The following EDEM1 variants were observed in gnomAD, a reference collection of about 807,000 sequenced individuals.
EDEM1 encodes ER degradation-enhancing alpha-mannosidase-like protein 1.
Under a neutral mutation model 74.4 loss-of-function variants are expected in EDEM1, and 67 were observed. The observed-to-expected ratio is 0.90, with a 90% CI of 0.74 to 1.10. The LOEUF is 1.10. Among genes scored for constraint, EDEM1 ranks in the 50% least tolerant of loss-of-function variants. The probability of loss-of-function intolerance (pLI) is 0.00; values close to 1 mark genes in which losing one functional copy is unlikely to be tolerated. For missense variants in EDEM1, 926 were observed against 851.6 expected, an observed-to-expected ratio of 1.09 and a Z score of -1.09; for synonymous variants, 382 against 335.9, an observed-to-expected ratio of 1.14 and a Z score of -1.50.
chr3:5,188,027 G>T lies in EDEM1; in HGVS notation c.222G>T (p.Pro74=), dbSNP rs753743181. 1.2e-5 allele frequency: 17 copies of T among 1,454,720 alleles called. No individual in the cohort carries two copies. The highest frequency in any genetic ancestry group is 3.0e-5 in the African/African-American group (2 of 67,122). 90.1% of individuals were successfully genotyped at this position (1,454,720 alleles called of 1,614,324 possible). A position where few individuals can be genotyped will look rare whatever the true frequency, so the allele number is the denominator to read the frequency against. Reference sequence around the variant, plus strand: ...TATCCGGGCCGTCGTGGCTGCAGCCGCCGGGGACCGGGGCAGCGCAGAGCC... The same window carrying T: ...TATCCGGGCCGTCGTGGCTGCAGCCTCCGGGGACCGGGGCAGCGCAGAGCC... ...GGVSGPSWLQ[P]PGTGAAQSPR... The change falls in exon 1 of 12, where the codon CCG becomes CCT. Residue 74 remains proline, a synonymous_variant. Transcript: ENST00000256497.
chr3:5,189,764 C>G lies in EDEM1; in HGVS notation c.509+1450C>G, dbSNP rs1046410309. The stretch of plus-strand genomic sequence containing the variant: ...TACAGACTCGTGCCACCACGCCCGG[C>G]TAATTTTTTGTATTTTTAGTAGAGA... On this transcript the variant is annotated intron_variant, in intron 1 of 11. Transcript: ENST00000256497. Among the ~76,000 whole-genome samples, 10 of 152,186 alleles carry G rather than the reference C, an allele frequency of 6.6e-5. No individual in the cohort carries two copies. In the East Asian group the frequency reaches 1.7e-3, roughly 26 times the overall value.
Position 5,213,596 on chromosome 3 carries a change from C to G in EDEM1, c.1884+74C>G, listed in dbSNP as rs1421008359. Reference sequence around the variant, plus strand: ...ACTATGAATTGCTTAGTTGTTCAGACTTCCTGACAGAAAATTGATGGTGTA... The same window carrying G: ...ACTATGAATTGCTTAGTTGTTCAGAGTTCCTGACAGAAAATTGATGGTGTA... On this transcript the variant is annotated intron_variant, in intron 11 of 11. Transcript: ENST00000256497. 5 of 1,408,700 alleles carry G rather than the reference C, an allele frequency of 3.5e-6. No individual in the cohort carries two copies. In the African/African-American group the frequency reaches 7.2e-5, roughly 20 times the overall value. The allele number at this position is 1,408,700 out of a possible 1,614,324, so 87.3% of individuals were successfully genotyped here.
Position 5,215,841 on chromosome 3 carries a change from C to A in EDEM1, c.1897C>A (p.Pro633Thr), listed in dbSNP as rs2055228070. The A allele has an allele frequency of 6.2e-7, 1 of 1,612,766 alleles. No individual in the cohort carries two copies. Among genetic ancestry groups the A allele is most frequent in the East Asian group, 2.2e-5 (1 of 44,796 alleles). The part of the protein sequence containing the change: ...INSSSNCNRV[P>T]DERRYSLPLK... ...TTTGTCTTTCTAGTGCAATCGTGTA[C>A]CTGATGAGAGGAGGTACTCCCTGCC... Residue 633 changes from proline (P) to threonine (T), a missense_variant, in exon 12 of 12, where the codon CCT (proline) becomes ACT (threonine). By Grantham distance (38) the Pro-to-Thr change is conservative (BLOSUM62 -1). Transcript: ENST00000256497.
chr3:5,193,319 T>C (rs912679387), intron 1 of EDEM1, among the ~76,000 whole-genome samples: 1 of 152,200 alleles, frequency 6.6e-6, no homozygotes, highest in Non-Finnish European at 1.5e-5. Context: ...CGTAAGGATC[T>C]CCCTGTCTCC....
chr3:5,217,790 G>A lies in EDEM1; in HGVS notation c.*1872G>A, dbSNP rs2055259070. 6.6e-6 allele frequency: 1 copy of A among 152,130 alleles called. No homozygotes were observed. The highest frequency in any genetic ancestry group is 1.9e-4 in the East Asian group (1 of 5,202). 9.4% of individuals were successfully genotyped at this position (152,130 alleles called of 1,614,324 possible). ...ATGTTTTCACTGACTCATTGAAAATGTTAATTACACACACATGCATGCATG... is the reference window on the plus strand; with the variant it reads ...ATGTTTTCACTGACTCATTGAAAATATTAATTACACACACATGCATGCATG... On this transcript the variant is annotated 3_prime_UTR_variant, in exon 12 of 12. Transcript: ENST00000256497.
At chr3:5,188,987 C>T (rs1410363526) in intron 1 of EDEM1, among the ~76,000 whole-genome samples, 1 of 152,136 alleles carries the variant, frequency 6.6e-6, no homozygotes, top group African/African-American at 2.4e-5. Flanking sequence ...TCAACGTCAT[C>T]GCCCTGTACG....
chr3:5,216,060 T>C lies in EDEM1; in HGVS notation c.*142T>C, dbSNP rs1292169247. Reference sequence around the variant, plus strand: ...AATTTCTGTGCAACACCTCACCACGTCTGGTTAATCCTTGCACACTTCAGT... The same window carrying C: ...AATTTCTGTGCAACACCTCACCACGCCTGGTTAATCCTTGCACACTTCAGT... On this transcript the variant is annotated 3_prime_UTR_variant, in exon 12 of 12. Coordinates refer to ENST00000256497, the MANE Select transcript of EDEM1 (RefSeq NM_014674.3). 2.2e-5 allele frequency: 14 copies of C among 636,508 alleles called. No individual in the cohort carries two copies. The East Asian group carries it at 3.9e-4, about 18-fold the overall frequency. The allele number at this position is 636,508 out of a possible 1,614,324, so 39.4% of individuals were successfully genotyped here. A position where few individuals can be genotyped will look rare whatever the true frequency, so the allele number is the denominator to read the frequency against.
intron 1 of EDEM1, among the ~76,000 whole-genome samples, chr3:5,193,022 G>A (rs2054919714): frequency 2.0e-5 from 3 of 151,848 alleles, no homozygotes; most frequent in Admixed American, 1.3e-4. Flanking sequence ...AGATTACAAG[G>A]CAAAGCACAA....
rs549232984 is a variant in EDEM1, at chr3:5,205,703, T to C, written c.1217+462T>C. 1.4e-3 allele frequency among the ~76,000 whole-genome samples: 207 copies of C among 152,350 alleles called. 1 individual carries two copies. Among genetic ancestry groups the C allele is most frequent in the African/African-American group, 4.9e-3 (203 of 41,588 alleles). The stretch of plus-strand genomic sequence containing the variant: ...CCAAGGGGCCTCTTTGTAGGTAGCT[T>C]ATGGCCACTGGCTTCCCCCAGAGTG... On this transcript the variant is annotated intron_variant, in intron 6 of 11. Coordinates refer to ENST00000256497, the MANE Select transcript of EDEM1 (RefSeq NM_014674.3).
At position 5,203,036 on chromosome 3, in the gene EDEM1, T is replaced by G. The variant is rs771632092; in HGVS notation, c.929T>G (p.Leu310Arg). ...TGCACAGCGGGAGCCGGTTCCCTCC[T>G]GGTGGAATTTGGGATTCTGAGTCGA... ...ETCTAGAGSL[L>R]VEFGILSRLL... The change falls in exon 5 of 12, where the codon CTG becomes CGG. Residue 310 changes from leucine (L) to arginine (R), a missense_variant. Coordinates refer to ENST00000256497, the MANE Select transcript of EDEM1 (RefSeq NM_014674.3). The G allele has an allele frequency of 6.2e-7, 1 of 1,614,030 alleles. No individual in the cohort carries two copies. Among genetic ancestry groups the G allele is most frequent in the Non-Finnish European group, 8.5e-7 (1 of 1,179,960 alleles).
Position 5,205,999 on chromosome 3 carries a change from A to G in EDEM1, c.1217+758A>G, listed in dbSNP as rs1171167496. 5.9e-5 allele frequency among the ~76,000 whole-genome samples: 9 copies of G among 152,168 alleles called. No homozygotes were observed. The East Asian group carries it at 1.2e-3, about 20-fold the overall frequency. On this transcript the variant is annotated intron_variant, in intron 6 of 11. Transcript: ENST00000256497. ...GCAGATAGATCTGCAATGCAGGACAATGTTTTGGTTCTAATACTTTACAAA... is the reference window on the plus strand; with the variant it reads ...GCAGATAGATCTGCAATGCAGGACAGTGTTTTGGTTCTAATACTTTACAAA...
rs186106693 is a variant in EDEM1, at chr3:5,210,862, G to A, written c.1584-258G>A. Among the ~76,000 whole-genome samples the A allele has an allele frequency of 3.9e-5, 6 of 152,152 alleles. No individual in the cohort carries two copies. In the East Asian group the frequency reaches 5.8e-4, roughly 15 times the overall value. ...TTGCCGGTCATTTTCCTGGTGCCAC[G>A]TTATGCTTCTGGCCAGCACCCCGCC... On this transcript the variant is annotated intron_variant, in intron 9 of 11. Coordinates refer to ENST00000256497, the MANE Select transcript of EDEM1 (RefSeq NM_014674.3).
At chr3:5,210,694 CTT>C (rs961084958) in intron 9 of EDEM1, among the ~76,000 whole-genome samples, 1 of 150,092 alleles carries the variant, frequency 6.7e-6, no homozygotes. Flanking sequence ...TTGTGACATG[CTT>C]TTTTTTACCT....
chr3:5,198,343 C>T (rs2054994697), intron 2 of EDEM1, among the ~76,000 whole-genome samples: 1 of 152,184 alleles, frequency 6.6e-6, no homozygotes, highest in South Asian at 2.1e-4. Flanking sequence ...CCACCGTGTC[C>T]AGCCGGTTGA....
intron 3 of EDEM1, among the ~76,000 whole-genome samples, chr3:5,200,869 T>G (rs2055026241): frequency 6.7e-6 from 1 of 148,808 alleles, no homozygotes; most frequent in Non-Finnish European, 1.5e-5. Flanking sequence ...CTTTCTCTGT[T>G]TTTTTTTTTT....
rs958339244 is a variant in EDEM1, at chr3:5,187,805, C to A, written c.-1C>A. Reference sequence around the variant, plus strand: ...ATAATGCCCGCGGCGCCCGCGCGACCATGCAATGGCGAGCGCTCGTCCTGG... The same window carrying A: ...ATAATGCCCGCGGCGCCCGCGCGACAATGCAATGGCGAGCGCTCGTCCTGG... On this transcript the variant is annotated 5_prime_UTR_variant, in exon 1 of 12. Coordinates refer to ENST00000256497, the MANE Select transcript of EDEM1 (RefSeq NM_014674.3). 2.6e-6 allele frequency: 4 copies of A among 1,556,070 alleles called. No homozygotes were observed. Among genetic ancestry groups the A allele is most frequent in the Non-Finnish European group, 3.5e-6 (4 of 1,150,032 alleles).
chr3:5,207,458 A>T, intron 7 of EDEM1, among the ~76,000 whole-genome samples, 185 bp downstream of exon 7: 1 of 152,124 alleles, frequency 6.6e-6, no homozygotes, highest in East Asian at 1.9e-4. Context: ...GAGCCATTCC[A>T]CACAAGTGCA....
At chr3:5,209,090 A>G (rs1220718708) in intron 8 of EDEM1, among the ~76,000 whole-genome samples, 1 of 152,062 alleles carries the variant, frequency 6.6e-6, no homozygotes, top group African/African-American at 2.4e-5. Flanking sequence ...GAGTTTTAGA[A>G]ACTCTGGTAG....
chr3:5,215,548 G>T (rs1212012447), intron 11 of EDEM1, among the ~76,000 whole-genome samples: 3 of 152,182 alleles, frequency 2.0e-5, no homozygotes, highest in Admixed American at 6.5e-5. Flanking sequence ...TATGTCACTG[G>T]TCTTCACCTG....
Sources: gnomAD v4.1 joint callset for allele counts (sites outside exome capture counted in the v4.1 genomes callset) on GRCh38, gnomAD v4.1.1 for gene constraint, MANE v1.5 for transcripts, NCBI Gene and HGNC (gene_info 2026-07-23, HGNC 2026-07-21) for gene names.